The following GPATCH2 variants were observed in gnomAD, a reference collection of about 807,000 sequenced individuals.
The protein encoded by GPATCH2 is G patch domain-containing protein 2.
Under a neutral mutation model 58.0 loss-of-function variants are expected in GPATCH2, and 51 were observed. The ratio of observed to expected loss-of-function variants is 0.88; its 90% confidence interval spans 0.70 to 1.11. The LOEUF (loss-of-function observed/expected upper bound fraction) is 1.11. GPATCH2 is among the 50% of genes most tolerant of loss of function. The probability of loss-of-function intolerance (pLI) is 0.00; values close to 1 mark genes in which losing one functional copy is unlikely to be tolerated. For missense variants in GPATCH2, 625 were observed against 652.2 expected (o/e 0.96, Z 0.45); for synonymous variants, 222 against 218.5 (o/e 1.02, Z -0.14).
intron 5 of GPATCH2, among the ~76,000 whole-genome samples, chr1:217,596,050 A>T (rs1013980068): frequency 1.3e-5 from 2 of 152,182 alleles, no homozygotes; most frequent in Non-Finnish European, 2.9e-5. Context: ...AAAAGATACC[A>T]AAGAATAGGA....
chr1:217,576,902 T>C (rs1001882478), intron 5 of GPATCH2, among the ~76,000 whole-genome samples: 6 of 152,208 alleles, frequency 3.9e-5, no homozygotes, highest in Non-Finnish European at 8.8e-5. Flanking sequence ...ACTGAATATA[T>C]TGCAAGCACT....
intron 5 of GPATCH2, chr1:217,610,081 G>T: frequency 6.6e-7 from 1 of 1,522,382 alleles, no homozygotes; most frequent in South Asian, 1.3e-5. Context: ...CAGGGAAGAG[G>T]ACAGGAGCCA....
At chr1:217,563,770 C>T (rs1037398603) in intron 5 of GPATCH2, among the ~76,000 whole-genome samples, 3 of 152,094 alleles carry the variant, frequency 2.0e-5, no homozygotes, top group Admixed American at 6.6e-5. Flanking sequence ...GTAGGCCGGG[C>T]GCAGTGGCTC....
chr1:217,490,845 T>C (rs1661692835), intron 8 of GPATCH2, among the ~76,000 whole-genome samples: 1 of 152,216 alleles, frequency 6.6e-6, no homozygotes, highest in Non-Finnish European at 1.5e-5. Context: ...TTGTGTTTGG[T>C]GATTTTTGAT....
At chr1:217,492,826 C>A (rs190549921) in intron 7 of GPATCH2, 157 of 152,214 alleles carry the variant, frequency 1.0e-3, no homozygotes, top group African/African-American at 3.5e-3. Flanking sequence ...GGCTTAAATG[C>A]TATGATTATA....
chr1:217,481,592 TTATGCCTG>T (rs1661214806), intron 8 of GPATCH2, among the ~76,000 whole-genome samples: 1 of 152,172 alleles, frequency 6.6e-6, no homozygotes, highest in Non-Finnish European at 1.5e-5. Context: ...GTGCAGTGGC[TTATGCCTG>T]TAACCCCAGC....
intron 8 of GPATCH2, among the ~76,000 whole-genome samples, chr1:217,480,622 C>T (rs932701756): frequency 1.3e-5 from 2 of 152,138 alleles, no homozygotes; most frequent in Non-Finnish European, 2.9e-5. Context: ...CCATATGATC[C>T]AGCAATCCCA....
intron 9 of GPATCH2, among the ~76,000 whole-genome samples, chr1:217,440,841 C>T (rs902019415): frequency 2.6e-5 from 4 of 152,074 alleles, no homozygotes; most frequent in African/African-American, 9.7e-5. Context: ...CAAACCACTG[C>T]TCAAGGAAAT....
At chr1:217,521,336 TTTTTCC>T (rs1663443842) in intron 5 of GPATCH2, among the ~76,000 whole-genome samples, 1 of 122,718 alleles carries the variant, frequency 8.1e-6, no homozygotes, top group South Asian at 2.6e-4. Context: ...CACCTAGTAC[TTTTTCC>T]CCTACAGGGA....
chr1:217,616,369 T>G (rs1668886855), intron 2 of GPATCH2, among the ~76,000 whole-genome samples: 1 of 152,184 alleles, frequency 6.6e-6, no homozygotes, highest in African/African-American at 2.4e-5. Context: ...ATCTAAATTC[T>G]TCTTATTCCC....
chr1:217,471,466 A>C (rs1660719201), intron 8 of GPATCH2, among the ~76,000 whole-genome samples: 1 of 152,200 alleles, frequency 6.6e-6, no homozygotes, highest in Admixed American at 6.5e-5. Context: ...CCAAACAACA[A>C]ATGACAGTAT....
chr1:217,493,688 A>G (rs1661860783), intron 7 of GPATCH2, among the ~76,000 whole-genome samples: 2 of 152,136 alleles, frequency 1.3e-5, no homozygotes, highest in South Asian at 4.1e-4. Context: ...ATGAACACTA[A>G]ATTGTTTCTG....
chr1:217,593,964 C>T (rs1667705399), intron 5 of GPATCH2, among the ~76,000 whole-genome samples: 1 of 152,006 alleles, frequency 6.6e-6, no homozygotes, highest in African/African-American at 2.4e-5. Flanking sequence ...TTTGTTTCTT[C>T]AGGTAATGAA....
intron 5 of GPATCH2, among the ~76,000 whole-genome samples, chr1:217,591,371 T>C (rs1175239197): frequency 6.6e-6 from 1 of 152,082 alleles, no homozygotes; most frequent in Admixed American, 6.6e-5. Context: ...TTGAAAATAG[T>C]AAAATTTCCC....
chr1:217,599,651 C>A (rs752016255), intron 5 of GPATCH2, among the ~76,000 whole-genome samples: 1 of 152,072 alleles, frequency 6.6e-6, no homozygotes, highest in Non-Finnish European at 1.5e-5. Context: ...TATCCCCAGC[C>A]CCTTGAACAA....
intron 5 of GPATCH2, among the ~76,000 whole-genome samples, chr1:217,580,609 T>A (rs1667029112): frequency 6.6e-6 from 1 of 152,172 alleles, no homozygotes; most frequent in African/African-American, 2.4e-5. Flanking sequence ...GTAATCTCAA[T>A]CCTTTCACTT....
At chr1:217,617,936 T>C (rs1668974780) in intron 2 of GPATCH2, among the ~76,000 whole-genome samples, 1 of 151,488 alleles carries the variant, frequency 6.6e-6, no homozygotes, top group East Asian at 1.9e-4. Flanking sequence ...ACATGTCCTA[T>C]AAAAAAGCAG....
At chr1:217,626,112 A>T (rs1669441888) in intron 1 of GPATCH2, among the ~76,000 whole-genome samples, 1 of 152,218 alleles carries the variant, frequency 6.6e-6, no homozygotes, top group East Asian at 1.9e-4. Flanking sequence ...CTTCTCTAAA[A>T]CATGGATTAT....
intron 6 of GPATCH2, among the ~76,000 whole-genome samples, chr1:217,509,093 A>T (rs1013376711): frequency 2.0e-5 from 3 of 152,178 alleles, no homozygotes; most frequent in Non-Finnish European, 4.4e-5. Flanking sequence ...TAATCCCAGC[A>T]CTTTGGGATG....
Sources: gnomAD v4.1 joint callset for allele counts (sites outside exome capture counted in the v4.1 genomes callset) on GRCh38, gnomAD v4.1.1 for gene constraint, MANE v1.5 for transcripts, NCBI Gene and HGNC (gene_info 2026-07-23, HGNC 2026-07-21) for gene names.